Variants in SCUBE1 observed in about 807,000 individuals in gnomAD.
The protein encoded by SCUBE1 is signal peptide, CUB domain and EGF like domain containing 1, also known as signal peptide, CUB and EGF-like domain-containing protein 1.
Under a neutral mutation model 124.4 loss-of-function variants are expected in SCUBE1, and 59 were observed. The ratio of observed to expected loss-of-function variants is 0.47; its 90% CI spans 0.38 to 0.59. The LOEUF (loss-of-function observed/expected upper bound fraction) is 0.59. SCUBE1 is among the 20% of genes least tolerant of loss of function. The pLI is 0.00. For synonymous variants in SCUBE1, 545 were observed against 550.9 expected, an observed-to-expected ratio of 0.99 and a Z score of 0.15; for missense variants, 1,150 against 1,371.2, an observed-to-expected ratio of 0.84 and a Z score of 2.55.
intron 4 of SCUBE1, among the ~76,000 whole-genome samples, chr22:43,286,453 C>A (rs1925147141): frequency 6.6e-6 from 1 of 152,238 alleles, no homozygotes. Context: ...AGAGCAGAGC[C>A]CTGCAGGACA....
At chr22:43,339,690 C>A (rs1927218926) in intron 1 of SCUBE1, among the ~76,000 whole-genome samples, 1 of 132,092 alleles carries the variant, frequency 7.6e-6, no homozygotes, top group African/African-American at 2.9e-5. Context: ...TATCCCCCCA[C>A]AAGCATTGCT....
chr22:43,327,166 C>A (rs1926753788), intron 2 of SCUBE1, among the ~76,000 whole-genome samples: 1 of 152,150 alleles, frequency 6.6e-6, no homozygotes. Context: ...GCCCCACACA[C>A]AGGACTGCCC....
chr22:43,273,468 C>T (rs754285497), intron 4 of SCUBE1, among the ~76,000 whole-genome samples: 12 of 151,452 alleles, frequency 7.9e-5, no homozygotes, highest in African/African-American at 2.2e-4. Flanking sequence ...GATTCGACAG[C>T]GCTGATTTGC....
rs931838060 is a variant in SCUBE1, at chr22:43,234,941, C to T, written c.845-3066G>A. On this transcript the variant is annotated intron_variant, in intron 7 of 21. Coordinates refer to ENST00000360835, the MANE Select transcript of SCUBE1 (RefSeq NM_173050.5). The surrounding 1 kb of genome is among the most constrained non-coding windows in gnomAD (Gnocchi z 4.4). The stretch of plus-strand genomic sequence containing the variant: ...CGCACCCAGTACAGCCACAGCCCCC[C>T]TCTCACCTGCTGACCCCAGCCCTGG... 6.6e-6 allele frequency among the ~76,000 whole-genome samples: 1 copy of T among 152,190 alleles called. No individual in the cohort carries two copies. Among genetic ancestry groups the T allele is most frequent in the Non-Finnish European group, 1.5e-5 (1 of 68,016 alleles).
intron 10 of SCUBE1, among the ~76,000 whole-genome samples, chr22:43,223,897 C>G (rs1444123365): frequency 6.6e-6 from 1 of 152,202 alleles, no homozygotes; most frequent in Non-Finnish European, 1.5e-5. Context: ...CAGGTTCAGT[C>G]AAGTCACCTC....
intron 7 of SCUBE1, among the ~76,000 whole-genome samples, chr22:43,235,970 T>TCCACCTGCCCACGTGACCC (rs1159194338): frequency 6.6e-6 from 1 of 152,090 alleles, no homozygotes; most frequent in Non-Finnish European, 1.5e-5. Context: ...CAACCCTGCC[T>TCCACCTGCCCACGTGACCC]CCACCTGCCC....
intron 6 of SCUBE1, among the ~76,000 whole-genome samples, chr22:43,242,636 C>T (rs1018152006): frequency 6.6e-6 from 1 of 152,186 alleles, no homozygotes; most frequent in African/African-American, 2.4e-5. Flanking sequence ...GCGGCTCAGG[C>T]GCCTGGGACT....
At chr22:43,213,694 CAA>C (rs1921671883) in intron 16 of SCUBE1, 1 of 159,040 alleles carries the variant, frequency 6.3e-6, no homozygotes, top group Non-Finnish European at 1.4e-5. Context: ...ATACTCTCTG[CAA>C]AGTGTTCCAG....
At chr22:43,240,032 AAT>A (rs1260992122) in intron 6 of SCUBE1, among the ~76,000 whole-genome samples, 8 of 152,168 alleles carry the variant, frequency 5.3e-5, no homozygotes, top group African/African-American at 1.9e-4. Context: ...AATTAAATGA[AAT>A]GCATGGTGCC....
At position 43,227,343 on chromosome 22, in the gene SCUBE1, G is replaced by T. The variant is rs192893358; in HGVS notation, c.1207+31C>A. 39 of 1,596,788 alleles carry T rather than the reference G, an allele frequency of 2.4e-5. No individual in the cohort carries two copies. In the Admixed American group the frequency reaches 4.2e-4, roughly 17 times the overall value. ...CTCCCATCCAAGCCCAGGTGCAGGG[G>T]AGGGGCCAGCAGCACAGGGCGGCCA... On this transcript the variant is annotated intron_variant, in intron 10 of 21. Coordinates refer to ENST00000360835, the MANE Select transcript of SCUBE1 (RefSeq NM_173050.5).
intron 3 of SCUBE1, among the ~76,000 whole-genome samples, chr22:43,303,695 C>A (rs17003635): frequency 0.011 from 1,687 of 152,326 alleles, 33 homozygotes; most frequent in African/African-American, 0.038. Context: ...CTCTCAAAAA[C>A]CTAGCATGGC....
intron 2 of SCUBE1, among the ~76,000 whole-genome samples, chr22:43,323,595 T>C (rs1285733742): frequency 8.8e-6 from 1 of 113,416 alleles, no homozygotes; most frequent in African/African-American, 3.1e-5. Context: ...CAAACATCCA[T>C]CCATCCATCC....
At position 43,202,496 on chromosome 22, in the gene SCUBE1, T is replaced by C. The variant is rs1417710920; in HGVS notation, c.*1501A>G. On this transcript the variant is annotated 3_prime_UTR_variant, in exon 22 of 22. Transcript: ENST00000360835. ...AGGCAGATGAAGAGCAGGCAAGGCC[T>C]CCTGGACCTCGGCATGGGGTTCTGC... 1 of 152,252 alleles carries C rather than the reference T, an allele frequency of 6.6e-6. No individual in the cohort carries two copies. Among genetic ancestry groups the C allele is most frequent in the Non-Finnish European group, 1.5e-5 (1 of 68,062 alleles). 9.4% of individuals were successfully genotyped at this position (152,252 alleles called of 1,614,324 possible). A position where few individuals can be genotyped will look rare whatever the true frequency, so the allele number is the denominator to read the frequency against.
chr22:43,291,837 A>G (rs1049412859), intron 3 of SCUBE1, among the ~76,000 whole-genome samples: 3 of 152,214 alleles, frequency 2.0e-5, no homozygotes, highest in Non-Finnish European at 4.4e-5. Context: ...CCTGTAAGTC[A>G]GATCCAGGTA....
At chr22:43,266,711 C>T (rs978979333) in intron 4 of SCUBE1, among the ~76,000 whole-genome samples, 2 of 152,166 alleles carry the variant, frequency 1.3e-5, no homozygotes, top group East Asian at 1.9e-4. Flanking sequence ...AGGGAGCAGA[C>T]GTTTCCTGGG....
intron 2 of SCUBE1, among the ~76,000 whole-genome samples, chr22:43,321,910 CTTATAAA>C (rs139415832): frequency 0.055 from 8,422 of 152,122 alleles, 779 homozygotes; most frequent in African/African-American, 0.19. Flanking sequence ...ATTTAATACA[CTTATAAA>C]TTACAAATAA....
intron 4 of SCUBE1, among the ~76,000 whole-genome samples, chr22:43,265,243 T>C (rs1924018034): frequency 6.6e-6 from 1 of 152,222 alleles, no homozygotes; most frequent in Non-Finnish European, 1.5e-5. Context: ...TCTTTCTTCT[T>C]GAGACTCTAA....
intron 3 of SCUBE1, among the ~76,000 whole-genome samples, chr22:43,297,182 C>T (rs961724689): frequency 1.3e-5 from 2 of 152,260 alleles, no homozygotes; most frequent in African/African-American, 4.8e-5. Flanking sequence ...TCCACGCCAC[C>T]TTGCCCGTCC....
At chr22:43,227,223 A>G in intron 10 of SCUBE1, 151 bp downstream of exon 10, 1 of 923,922 alleles carries the variant, frequency 1.1e-6, no homozygotes, top group Admixed American at 2.6e-5. Flanking sequence ...CATCAGCCAT[A>G]CCCCAACAGC....
Sources: gnomAD v4.1 joint callset for allele counts (sites outside exome capture counted in the v4.1 genomes callset) on GRCh38, gnomAD v4.1.1 for gene constraint, Gnocchi (gnomAD v3.1) non-coding constraint, MANE v1.5 for transcripts, NCBI Gene and HGNC (gene_info 2026-07-23, HGNC 2026-07-21) for gene names.